GATA1: variants seen among roughly 807,000 people sequenced by gnomAD.
GATA1 encodes erythroid transcription factor.
Under a neutral mutation model 18.9 loss-of-function variants are expected in GATA1, and 2 were observed. The observed-to-expected ratio is 0.11, with a 90% CI of 0.04 to 0.33. The LOEUF is 0.33. Among genes scored for constraint, GATA1 ranks in the 10% least tolerant of loss-of-function variants. GATA1 has a pLI of 1.00. For missense variants in GATA1, 272 were observed against 344.7 expected (o/e 0.79, Z 1.67); for synonymous variants, 152 against 149.1 (o/e 1.02, Z -0.14).
intron 1 of GATA1, among the ~76,000 whole-genome samples, 188 bp from the exon 2 acceptor site, chrX:48,790,903 A>G: frequency 1.3e-5 from 1 of 78,206 alleles, no homozygotes; most frequent in Non-Finnish European, 2.3e-5. Context: ...GAGGAGAGGG[A>G]GGAAGAGAAG....
Position 48,792,154 on chromosome X carries a change from G to A in GATA1, c.531G>A (p.Gly177=). Residue 177 remains glycine (G), a synonymous_variant, in exon 3 of 6, where the codon GGG becomes GGA. Transcript: ENST00000376670. The part of the protein sequence containing the change: ...DFSSTFFSPT[G]SPLNSAAYSS... ...CCAGTACCTTCTTTTCTCCCACCGG[G>A]AGCCCCCTCAATTCAGCAGCCTATT... is the stretch of plus-strand genomic sequence containing the variant. 3 of 1,211,235 alleles carry A rather than the reference G, an allele frequency of 2.5e-6. No homozygotes were observed. Among genetic ancestry groups the A allele is most frequent in the Non-Finnish European group, 2.2e-6 (2 of 895,164 alleles).
intron 1 of GATA1, among the ~76,000 whole-genome samples, chrX:48,789,733 A>AC (rs200263656): frequency 4.0e-4 from 41 of 102,789 alleles, no homozygotes; most frequent in East Asian, 1.5e-3. Flanking sequence ...GGGGGTACTG[A>AC]CCCCCCCCCA....
intron 4 of GATA1, 152 bp from the exon 5 acceptor site, chrX:48,793,020 C>G: frequency 3.6e-6 from 2 of 553,731 alleles, no homozygotes; most frequent in East Asian, 7.2e-5. Flanking sequence ...CCTGTACTGG[C>G]CCCATACAGA....
intron 2 of GATA1, 26 bp downstream of exon 2, chrX:48,791,355 G>C (rs782626863): frequency 8.7e-7 from 1 of 1,150,947 alleles, no homozygotes; most frequent in East Asian, 3.0e-5. Context: ...GGCTGTCTTG[G>C]CATTGGCTGA....
chrX:48,793,692 T>C lies in GATA1; in HGVS notation c.871-101T>C, dbSNP rs1458457331. 2.1e-5 allele frequency: 23 copies of C among 1,114,847 alleles called. No individual in the cohort carries two copies. The Middle Eastern group carries it at 1.3e-3, about 65-fold the overall frequency. The allele number at this position is 1,114,847 out of a possible 1,213,427, so 91.9% of individuals were successfully genotyped here. ...CTTGGACAATCTCAGCACCCAAAAA[T>C]TATCTTACCCTGAAAGAAGTGGGGT... On this transcript the variant is annotated intron_variant, in intron 5 of 5. Coordinates refer to ENST00000376670, the MANE Select transcript of GATA1 (RefSeq NM_002049.4).
In GATA1 at chrX:48,791,259, G is replaced by A. The variant is rs782678694; in HGVS notation, c.150G>A (p.Pro50=). The change falls in exon 2 of 6, where the codon CCG becomes CCA. Residue 50 remains proline (P), a synonymous_variant. Transcript: ENST00000376670. ...ATGCAGCAGCTTCCTCCACTGCCCC[G>A]AGCACAGCCACCGCTGCAGCTGCGG... The part of the protein sequence containing the change: ...GLDAAASSTA[P]STATAAAAAL... The A allele has an allele frequency of 2.2e-5, 26 of 1,204,797 alleles. No individual in the cohort carries two copies. The highest frequency in any genetic ancestry group is 5.4e-5 in the South Asian group (3 of 55,741).
chrX:48,788,221 G>A (rs782147990), intron 1 of GATA1, among the ~76,000 whole-genome samples: 1 of 109,838 alleles, frequency 9.1e-6, no homozygotes, highest in South Asian at 4.0e-4. Flanking sequence ...GGGAAGAGAG[G>A]GAGAAACAGG....
At chrX:48,790,360 C>T (rs2062670294) in intron 1 of GATA1, among the ~76,000 whole-genome samples, 1 of 110,765 alleles carries the variant, frequency 9.0e-6, no homozygotes, top group South Asian at 3.8e-4. Context: ...GAGGCTGAGG[C>T]AGGAGGATCA....
intron 5 of GATA1, 138 bp from the exon 6 acceptor site, chrX:48,793,655 G>A: frequency 3.2e-6 from 3 of 949,873 alleles, no homozygotes; most frequent in Non-Finnish European, 1.5e-6. Context: ...GGGCCTCACA[G>A]CCTCAGGATT....
intron 1 of GATA1, among the ~76,000 whole-genome samples, chrX:48,790,717 A>AG (rs2147305241): frequency 1.0e-5 from 1 of 96,364 alleles, no homozygotes; most frequent in Admixed American, 1.1e-4. Context: ...GGAAAAGGGA[A>AG]GGGGGGAAGA....
chrX:48,790,721 G>A (rs2062671559), intron 1 of GATA1, among the ~76,000 whole-genome samples: 1 of 99,989 alleles, frequency 1.0e-5, no homozygotes, highest in Non-Finnish European at 2.0e-5. Context: ...AAGGGAAGGG[G>A]GGAAGAAGAG....
rs1557020159 is a variant in GATA1, at chrX:48,791,847, T to G, written c.224T>G (p.Phe75Cys). The change falls in exon 3 of 6, where the codon TTT (phenylalanine) becomes TGT (cysteine). Residue 75 changes from phenylalanine (F) to cysteine (C), a missense_variant. Physicochemically the swap from Phe to Cys is radical, Grantham distance 205 (BLOSUM62 -2). Transcript: ENST00000376670. ...DAEAYRHSPVFQVYPLLNCME... is the reference protein window; with the variant it reads ...DAEAYRHSPVCQVYPLLNCME... ...CATCCCTACCTGCCCCCAACAGTCT[T>G]TCAGGTGTACCCATTGCTCAACTGT... is the stretch of plus-strand genomic sequence containing the variant. 8.3e-7 allele frequency: 1 copy of G among 1,211,619 alleles called. No individual in the cohort carries two copies. The highest frequency in any genetic ancestry group is 1.8e-5 in the South Asian group (1 of 57,018).
intron 1 of GATA1, among the ~76,000 whole-genome samples, chrX:48,790,405 C>T (rs782239362): frequency 1.8e-5 from 2 of 111,011 alleles, no homozygotes; most frequent in East Asian, 2.8e-4. Context: ...GAGCCGAGAT[C>T]GTGCCACTGC....
At chrX:48,792,991 CTT>C (rs782290063) in intron 4 of GATA1, among the ~76,000 whole-genome samples, 179 bp from the exon 5 acceptor site, 11 of 111,138 alleles carry the variant, frequency 9.9e-5, no homozygotes, top group Non-Finnish European at 2.1e-4. Flanking sequence ...ACAAAAGAAA[CTT>C]ATACCAGATA....
At chrX:48,790,834 G>A (rs1177261162) in intron 1 of GATA1, among the ~76,000 whole-genome samples, 1 of 101,223 alleles carries the variant, frequency 9.9e-6, no homozygotes, top group African/African-American at 3.6e-5. Context: ...GGAGAACGAG[G>A]AGGAAGATGA....
intron 5 of GATA1, 54 bp downstream of exon 5, chrX:48,793,351 A>T: frequency 8.7e-7 from 1 of 1,143,140 alleles, no homozygotes; most frequent in East Asian, 3.0e-5. Flanking sequence ...TTCATGCCAC[A>T]CTGCCCCCCA....
At chrX:48,789,611 C>CA (rs1557019677) in intron 1 of GATA1, among the ~76,000 whole-genome samples, 1 of 111,217 alleles carries the variant, frequency 9.0e-6, no homozygotes, top group African/African-American at 3.3e-5. Flanking sequence ...TGGGCCTCTC[C>CA]AGGGGAGAGG....
intron 5 of GATA1, 92 bp from the exon 6 acceptor site, chrX:48,793,701 C>A: frequency 8.8e-7 from 1 of 1,130,190 alleles, no homozygotes; most frequent in Non-Finnish European, 1.2e-6. Context: ...ATTATCTTAC[C>A]CTGAAAGAAG....
chrX:48,787,223 G>A lies in GATA1; in HGVS notation c.-20+578G>A, dbSNP rs182328680. Among the ~76,000 whole-genome samples the A allele has an allele frequency of 9.1e-5, 10 of 110,428 alleles. No homozygotes were observed. In the South Asian group the frequency reaches 1.1e-3, roughly 13 times the overall value. On this transcript the variant is annotated intron_variant, in intron 1 of 5. Transcript: ENST00000376670. Reference sequence around the variant, plus strand: ...TCCCAATGACTTCTCTCTGATCTCCGCAAACCATTTATCTCTCCCAACTCC... The same window carrying A: ...TCCCAATGACTTCTCTCTGATCTCCACAAACCATTTATCTCTCCCAACTCC...
Sources: allele counts gnomAD v4.1 joint callset (sites outside exome capture counted in the v4.1 genomes callset), GRCh38; gene constraint gnomAD v4.1.1; transcripts MANE v1.5; gene names NCBI Gene and HGNC (gene_info 2026-07-23, HGNC 2026-07-21).